DOCK1: variants seen among roughly 807,000 people sequenced by gnomAD.
DOCK1 encodes dedicator of cytokinesis protein 1.
In DOCK1, 138 loss-of-function variants were observed where a neutral mutation model predicts 262.7. That is an observed-to-expected ratio of 0.53 (90% CI 0.46 to 0.61). The LOEUF is 0.61. Among genes scored for constraint, DOCK1 ranks in the 20% least tolerant of loss-of-function variants. The pLI is 0.00. For synonymous variants in DOCK1, 866 were observed against 867.4 expected, an observed-to-expected ratio of 1.00 and a Z score of 0.03; for missense variants, 1,908 against 2,370.7, an observed-to-expected ratio of 0.80 and a Z score of 4.05.
In DOCK1 at chr10:127,061,689, G is replaced by A. The variant is rs761547347; in HGVS notation, c.2358G>A (p.Glu786=). The A allele has an allele frequency of 9.4e-6, 15 of 1,600,016 alleles. No homozygotes were observed. In the Admixed American group the frequency reaches 2.4e-4, roughly 26 times the overall value. The change falls in exon 23 of 52, where the codon GAG becomes GAA. Residue 786 remains glutamate (E), a synonymous_variant. Transcript: ENST00000623213. ...LFNQLYENKG[E]ADFVESLLQL... is the part of the protein sequence containing the mutation. ...GCAGACTGTATGAAAACAAGGGAGA[G>A]GCTGACTTCGTGGAATCTTTGCTGC...
chr10:126,921,969 T>C (rs893367407), intron 1 of DOCK1, among the ~76,000 whole-genome samples: 1 of 151,812 alleles, frequency 6.6e-6, no homozygotes, highest in African/African-American at 2.4e-5. Flanking sequence ...CCCAAAACCT[T>C]GGGAGGCCTA....
At chr10:127,121,272 GC>G (rs1479796952) in intron 25 of DOCK1, among the ~76,000 whole-genome samples, 5 of 148,972 alleles carry the variant, frequency 3.4e-5, no homozygotes, top group African/African-American at 1.2e-4. Flanking sequence ...GGCTTCCCAG[GC>G]CATCTGTTTT....
intron 16 of DOCK1, among the ~76,000 whole-genome samples, chr10:127,029,224 C>T (rs993143473): frequency 5.3e-5 from 8 of 152,168 alleles, no homozygotes; most frequent in South Asian, 4.1e-4. Flanking sequence ...GGTGCGATGC[C>T]GATGAAAGCC....
chr10:127,190,799 C>T (rs2056696950), intron 27 of DOCK1, among the ~76,000 whole-genome samples: 1 of 151,180 alleles, frequency 6.6e-6, no homozygotes, highest in African/African-American at 2.4e-5. Flanking sequence ...GACTTGTCTG[C>T]CAGAAGGTTT....
At position 127,000,155 on chromosome 10, in the gene DOCK1, G is replaced by C; in HGVS notation, c.850-17G>C. 6.2e-7 allele frequency: 1 copy of C among 1,612,396 alleles called. No individual in the cohort carries two copies. The highest frequency in any genetic ancestry group is 8.5e-7 in the Non-Finnish European group (1 of 1,178,986). ...TAATGGGTCTCCAAAATAATTTATG[G>C]AAACTAATATTTCTAGGACCTCGGA... is the stretch of plus-strand genomic sequence containing the variant. On this transcript the variant is annotated splice_polypyrimidine_tract_variant and intron_variant, in intron 9 of 51. Coordinates refer to ENST00000623213, the MANE Select transcript of DOCK1 (RefSeq NM_001290223.2).
chr10:126,963,035 C>T (rs1036267566), intron 1 of DOCK1, among the ~76,000 whole-genome samples: 2 of 152,224 alleles, frequency 1.3e-5, no homozygotes, highest in Admixed American at 6.5e-5. Flanking sequence ...ATTTGACTTT[C>T]TATGTGAGGG....
intron 23 of DOCK1, among the ~76,000 whole-genome samples, chr10:127,080,099 G>A (rs1410419305): frequency 1.3e-5 from 2 of 152,064 alleles, no homozygotes; most frequent in East Asian, 1.9e-4. Flanking sequence ...GAGGCTTTGC[G>A]AGAGGAATGC....
At chr10:127,086,370 C>G (rs896361051) in intron 23 of DOCK1, among the ~76,000 whole-genome samples, 2 of 152,140 alleles carry the variant, frequency 1.3e-5, no homozygotes, top group South Asian at 2.1e-4. Context: ...ACATTTTTAT[C>G]TGAAATGCAA....
intron 29 of DOCK1, among the ~76,000 whole-genome samples, chr10:127,262,258 A>T (rs981237570): frequency 1.3e-5 from 2 of 149,184 alleles, no homozygotes; most frequent in African/African-American, 5.0e-5. Context: ...GTGTACCTGC[A>T]TGTGTGTGCA....
intron 27 of DOCK1, among the ~76,000 whole-genome samples, chr10:127,215,531 G>A (rs1300360942): frequency 1.3e-5 from 2 of 152,136 alleles, no homozygotes; most frequent in Non-Finnish European, 2.9e-5. Flanking sequence ...TTGAGTTCCT[G>A]CTAGCAGGTA....
chr10:127,170,721 G>A (rs191913003), intron 27 of DOCK1, among the ~76,000 whole-genome samples: 2 of 152,212 alleles, frequency 1.3e-5, no homozygotes, highest in South Asian at 2.1e-4. Context: ...AATTGATTGG[G>A]TTTTTTAAAT....
At chr10:126,920,178 C>T (rs73382568) in intron 1 of DOCK1, among the ~76,000 whole-genome samples, 16,711 of 152,182 alleles carry the variant, frequency 0.11, 1,021 homozygotes, top group Middle Eastern at 0.19. Flanking sequence ...GTCAGTTACA[C>T]GACTCTGTAT....
rs1019703553 is a variant in DOCK1, at chr10:126,932,213, C to T, written c.46+26650C>T. Reference sequence around the variant, plus strand: ...GAAGTTTAAAATTAGGGACTTGGATCAGCTGATGACTGCAAAATAGCAGAG... The same window carrying T: ...GAAGTTTAAAATTAGGGACTTGGATTAGCTGATGACTGCAAAATAGCAGAG... On this transcript the variant is annotated intron_variant, in intron 1 of 51. Coordinates refer to ENST00000623213, the MANE Select transcript of DOCK1 (RefSeq NM_001290223.2). Among the ~76,000 whole-genome samples, 587 of 152,298 alleles carry T rather than the reference C, an allele frequency of 3.9e-3. 1 individual carries two copies. Among genetic ancestry groups the T allele is most frequent in the African/African-American group, 0.014 (565 of 41,570 alleles).
At chr10:127,052,539 A>G (rs1180372407) in intron 21 of DOCK1, 142 bp from the exon 22 acceptor site, 17 of 1,076,898 alleles carry the variant, frequency 1.6e-5, no homozygotes, top group South Asian at 1.7e-5. Flanking sequence ...AAAAAAAAAA[A>G]AGAGAAAACG....
intron 2 of DOCK1, among the ~76,000 whole-genome samples, chr10:126,977,329 G>C (rs534953573): frequency 6.6e-6 from 1 of 152,112 alleles, no homozygotes; most frequent in East Asian, 1.9e-4. Context: ...TCTTTCTCTC[G>C]CCACTTGGAA....
chr10:126,931,857 C>T (rs2134186115), intron 1 of DOCK1, among the ~76,000 whole-genome samples: 1 of 152,220 alleles, frequency 6.6e-6, no homozygotes, highest in Admixed American at 6.5e-5. Context: ...TAATCTTGTG[C>T]CTGGTACAGA....
intron 45 of DOCK1, 85 bp from the exon 46 acceptor site, chr10:127,419,580 AT>A: frequency 7.7e-7 from 1 of 1,303,218 alleles, no homozygotes; most frequent in Non-Finnish European, 1.1e-6. Flanking sequence ...GCACAGCTCT[AT>A]TCTCAGGGCC....
Position 127,225,937 on chromosome 10 carries a change from G to T in DOCK1, c.2848-22071G>T, listed in dbSNP as rs543272244. ...ACTAAAAATACAAAAAGTTAGCAGG[G>T]CATGGTGGCGGGTGCCTGTAATCCC... On this transcript the variant is annotated intron_variant, in intron 27 of 51. Transcript: ENST00000623213. Among the ~76,000 whole-genome samples, 35 of 152,182 alleles carry T rather than the reference G, an allele frequency of 2.3e-4. 1 individual carries two copies. In the South Asian group the frequency reaches 6.9e-3, roughly 30 times the overall value.
intron 29 of DOCK1, among the ~76,000 whole-genome samples, chr10:127,261,874 G>C (rs2060153406): frequency 7.3e-6 from 1 of 137,676 alleles, no homozygotes; most frequent in Non-Finnish European, 1.5e-5. Context: ...GTGTGCGTGT[G>C]TGTACCCGTG....
Sources: gnomAD v4.1 joint callset for allele counts (sites outside exome capture counted in the v4.1 genomes callset) on GRCh38, gnomAD v4.1.1 for gene constraint, MANE v1.5 for transcripts, NCBI Gene and HGNC (gene_info 2026-07-23, HGNC 2026-07-21) for gene names.